PLEKHG6: variants seen among roughly 807,000 people sequenced by gnomAD.
PLEKHG6 encodes the protein pleckstrin homology and RhoGEF domain containing G6.
Under a neutral mutation model 97.5 loss-of-function variants are expected in PLEKHG6, and 91 were observed. That is an observed-to-expected ratio of 0.93 (90% CI 0.79 to 1.11). The LOEUF (loss-of-function observed/expected upper bound fraction) is 1.11, where lower values mean the gene tolerates loss of function less well. PLEKHG6 is among the 50% of genes most tolerant of loss of function. PLEKHG6 has a pLI of 0.00. For synonymous variants in PLEKHG6, 466 were observed against 425.5 expected, an observed-to-expected ratio of 1.10 and a Z score of -1.17; for missense variants, 1,044 against 1,031.0, an observed-to-expected ratio of 1.01 and a Z score of -0.17.
Position 6,327,944 on chromosome 12 carries a change from A to C in PLEKHG6, c.2361A>C (p.Ala787=). 1 of 1,493,802 alleles carries C rather than the reference A, an allele frequency of 6.7e-7. No homozygotes were observed. Among genetic ancestry groups the C allele is most frequent in the Non-Finnish European group, 8.9e-7 (1 of 1,120,926 alleles). 92.5% of individuals were successfully genotyped at this position (1,493,802 alleles called of 1,614,324 possible). ...TTCAGCTGGACACCCCTCTGTCCGC[A>C]TCGTAAGTGCTGGAGGGAAGCTGGC... ...HIIQLDTPLS[A]SEV The change falls in exon 15 of 16, where the codon GCA becomes GCC. Residue 787 remains alanine (A), a splice_region_variant and synonymous_variant. Transcript: ENST00000684764.
In PLEKHG6 at chr12:6,317,982, T is replaced by C; in HGVS notation, c.1143T>C (p.Asp381=). ...ACGAGGTGCTGGAGCCACCCAGTGA[T>C]GAGGTGGAGAAGGTGAGAGGGCAAA... is the stretch of plus-strand genomic sequence containing the variant. The part of the protein sequence containing the change: ...GPYEVLEPPS[D]EVEKNLRPFS... The change falls in exon 10 of 16, where the codon GAT becomes GAC. Residue 381 remains aspartate, a synonymous_variant. Coordinates refer to ENST00000684764, the MANE Select transcript of PLEKHG6 (RefSeq NM_001384598.1). The C allele has an allele frequency of 6.3e-7, 1 of 1,589,964 alleles. No individual in the cohort carries two copies. The highest frequency in any genetic ancestry group is 1.1e-5 in the South Asian group (1 of 87,208).
In PLEKHG6 at chr12:6,328,494, A is replaced by AT. The variant is rs1555106836; in HGVS notation, c.*353dup. 44 of 219,950 alleles carry AT rather than the reference A, an allele frequency of 2.0e-4. No homozygotes were observed. Among genetic ancestry groups the AT allele is most frequent in the African/African-American group, 7.6e-4 (33 of 43,466 alleles). The allele number at this position is 219,950 out of a possible 1,614,324, so 13.6% of individuals were successfully genotyped here. ...GGAAACCCTGTCTTTACAAAAAAAA[A>AT]TTTTAAAAATTACCCAGGTGTGGTG... On this transcript the variant is annotated 3_prime_UTR_variant, in exon 16 of 16. Transcript: ENST00000684764.
intron 13 of PLEKHG6, among the ~76,000 whole-genome samples, chr12:6,325,799 G>T (rs1947839321): frequency 6.6e-6 from 1 of 152,152 alleles, no homozygotes; most frequent in African/African-American, 2.4e-5. Context: ...TGAGAAGCAG[G>T]AAGACCTGTA....
chr12:6,312,534 C>G (rs903782060), intron 2 of PLEKHG6, 170 bp downstream of exon 2: 2 of 1,114,084 alleles, frequency 1.8e-6, no homozygotes, highest in African/African-American at 3.3e-5. Flanking sequence ...GGGCCAGGCT[C>G]CAGGGATATC....
rs1304745038 is a variant in PLEKHG6 at position 6,317,847 on chromosome 12, C to G, written c.1018-10C>G. On this transcript the variant is annotated splice_polypyrimidine_tract_variant and intron_variant, in intron 9 of 15. Coordinates refer to ENST00000684764, the MANE Select transcript of PLEKHG6 (RefSeq NM_001384598.1). Reference sequence around the variant, plus strand: ...GCCGTCCCTCCTCCCACACCCCCAACCCCACCTAGATTGAAGCCGTGGAGT... The same window carrying G: ...GCCGTCCCTCCTCCCACACCCCCAAGCCCACCTAGATTGAAGCCGTGGAGT... 1 of 1,550,010 alleles carries G rather than the reference C, an allele frequency of 6.5e-7. No individual in the cohort carries two copies. The highest frequency in any genetic ancestry group is 1.2e-5 in the South Asian group (1 of 84,278).
chr12:6,312,691 G>T, intron 2 of PLEKHG6: 4 of 1,181,448 alleles, frequency 3.4e-6, no homozygotes, highest in Non-Finnish European at 4.2e-6. Context: ...TCCCGCCTCT[G>T]CTTGGCAGGA....
intron 2 of PLEKHG6, chr12:6,313,288 C>A: frequency 1.8e-6 from 2 of 1,139,106 alleles, no homozygotes; most frequent in Non-Finnish European, 1.3e-6. Flanking sequence ...CATGCACCCC[C>A]CATGGTACGG....
rs113100104 is a variant in PLEKHG6 at position 6,326,396 on chromosome 12, G to A, written c.1525-32G>A. The A allele has an allele frequency of 0.011, 17,892 of 1,588,552 alleles. 1,124 individuals carry two copies. The African/African-American group carries it at 0.16, about 14-fold the overall frequency. ...CAAACAGCAAGTGCTCAATAAATGA[G>A]AGCTCTTAATAACGAAAGTGTCCTG... is the stretch of plus-strand genomic sequence containing the variant. On this transcript the variant is annotated intron_variant, in intron 13 of 15. Transcript: ENST00000684764.
At chr12:6,319,189 T>A in intron 13 of PLEKHG6, 81 bp downstream of exon 13, 2 of 914,424 alleles carry the variant, frequency 2.2e-6, no homozygotes, top group Admixed American at 4.5e-5. Flanking sequence ...GGATCACACC[T>A]GTAATCTCAG....
At chr12:6,311,703 A>G (rs2136709602) in intron 1 of PLEKHG6, among the ~76,000 whole-genome samples, 1 of 152,248 alleles carries the variant, frequency 6.6e-6, no homozygotes, top group African/African-American at 2.4e-5. Flanking sequence ...CTGGTGGCAG[A>G]CTGGGCTGTC....
At chr12:6,319,655 G>A (rs1490808500) in intron 13 of PLEKHG6, 2 of 1,535,706 alleles carry the variant, frequency 1.3e-6, no homozygotes, top group Admixed American at 2.0e-5. Flanking sequence ...GAGAGCCCAA[G>A]ATACAGCATC....
intron 13 of PLEKHG6, chr12:6,319,809 C>T: frequency 1.3e-6 from 1 of 761,540 alleles, no homozygotes; most frequent in Non-Finnish European, 2.0e-6. Context: ...CATTCCTGCC[C>T]TCAAGGCCTA....
At position 6,316,439 on chromosome 12, in the gene PLEKHG6, A is replaced by G. The variant is rs973253073; in HGVS notation, c.756+35A>G. ...GTGAAGGGCTGTGTCTGGATGGGGCAGGACTCGGAGCCCTCGGGGGTCCTG... is the reference window on the plus strand; with the variant it reads ...GTGAAGGGCTGTGTCTGGATGGGGCGGGACTCGGAGCCCTCGGGGGTCCTG... On this transcript the variant is annotated intron_variant, in intron 7 of 15. Transcript: ENST00000684764. This position sits in a 1 kb window ranked among gnomAD's most constrained non-coding sequence, Gnocchi z 4.1. 12 of 1,538,264 alleles carry G rather than the reference A, an allele frequency of 7.8e-6. No homozygotes were observed. Among genetic ancestry groups the G allele is most frequent in the Non-Finnish European group, 9.7e-6 (11 of 1,138,818 alleles).
intron 15 of PLEKHG6, 37 bp downstream of exon 15, chr12:6,327,983 G>C: frequency 1.3e-6 from 2 of 1,516,860 alleles, no homozygotes; most frequent in Non-Finnish European, 1.8e-6. Flanking sequence ...GGAGGGGGCA[G>C]ACGGGGATGT....
chr12:6,313,856 A>G (rs1947358431), intron 3 of PLEKHG6, 72 bp downstream of exon 3: 2 of 1,391,298 alleles, frequency 1.4e-6, no homozygotes, highest in Admixed American at 5.1e-5. Context: ...ATGACCAGCA[A>G]GCTCCGGGAG....
At position 6,318,975 on chromosome 12, in the gene PLEKHG6, G is replaced by A. The variant is rs762243176; in HGVS notation, c.1409-18G>A. 1.9e-5 allele frequency: 31 copies of A among 1,612,598 alleles called. No homozygotes were observed. The highest frequency in any genetic ancestry group is 2.7e-5 in the African/African-American group (2 of 74,876). The stretch of plus-strand genomic sequence containing the variant: ...TCAAATAAAGGCTGGCCTCTTGAAG[G>A]TTGTCTCCTCCATCCAGACAGCTTC... On this transcript the variant is annotated intron_variant, in intron 12 of 15. Coordinates refer to ENST00000684764, the MANE Select transcript of PLEKHG6 (RefSeq NM_001384598.1).
chr12:6,318,122 G>C (rs762568419), intron 10 of PLEKHG6, 128 bp downstream of exon 10: 22 of 1,372,706 alleles, frequency 1.6e-5, no homozygotes, highest in Non-Finnish European at 2.2e-5. Context: ...CTACCTGGTG[G>C]TGACAGTCCA....
chr12:6,322,680 G>C (rs1006868009), intron 13 of PLEKHG6, among the ~76,000 whole-genome samples: 19 of 152,158 alleles, frequency 1.2e-4, no homozygotes, highest in Non-Finnish European at 2.9e-5. Flanking sequence ...AGAAGTTCAA[G>C]ACCCAGCCTG....
At position 6,318,734 on chromosome 12, in the gene PLEKHG6, C is replaced by T; in HGVS notation, c.1276-11C>T. ...TGACCCTGTCTCTTTCCCCTACGCC[C>T]CCACCCCCAGCTGGACGTGTACCTG... is the stretch of plus-strand genomic sequence containing the variant. On this transcript the variant is annotated splice_polypyrimidine_tract_variant and intron_variant, in intron 11 of 15. Transcript: ENST00000684764. 6.2e-7 allele frequency: 1 copy of T among 1,613,218 alleles called. No individual in the cohort carries two copies. The highest frequency in any genetic ancestry group is 8.5e-7 in the Non-Finnish European group (1 of 1,179,214).
Sources: gnomAD v4.1 joint callset for allele counts (sites outside exome capture counted in the v4.1 genomes callset) on GRCh38, gnomAD v4.1.1 for gene constraint, Gnocchi (gnomAD v3.1) non-coding constraint, MANE v1.5 for transcripts, NCBI Gene and HGNC (gene_info 2026-07-23, HGNC 2026-07-21) for gene names.